DYSF: variants seen among roughly 807,000 people sequenced by gnomAD.
DYSF encodes dystrophy-associated fer-1-like 1.
In DYSF, 212 loss-of-function variants were observed where a neutral mutation model predicts 274.9. The ratio of observed to expected loss-of-function variants is 0.77; its 90% CI spans 0.69 to 0.86. The LOEUF (loss-of-function observed/expected upper bound fraction) is 0.86. DYSF is among the 40% of genes least tolerant of loss of function. DYSF has a pLI of 0.00. For synonymous variants in DYSF, 1,091 were observed against 1,078.7 expected (o/e 1.01, Z -0.22); for missense variants, 2,666 against 2,783.2 (o/e 0.96, Z 0.95).
At chr2:71,613,909 C>T (rs1244714107) in intron 40 of DYSF, among the ~76,000 whole-genome samples, 1 of 152,106 alleles carries the variant, frequency 6.6e-6, no homozygotes, top group Non-Finnish European at 1.5e-5. Context: ...CTATCTCGCC[C>T]CATTCCTCCA....
At chr2:71,579,714 C>T (rs922378122) in intron 30 of DYSF, among the ~76,000 whole-genome samples, 1 of 152,134 alleles carries the variant, frequency 6.6e-6, no homozygotes, top group African/African-American at 2.4e-5. Flanking sequence ...TAGCCACTAG[C>T]CGTGGGTGGC....
chr2:71,524,203 G>A (rs1017229392), intron 12 of DYSF, among the ~76,000 whole-genome samples: 1 of 152,196 alleles, frequency 6.6e-6, no homozygotes, highest in Non-Finnish European at 1.5e-5. Context: ...CCAGGAAAAT[G>A]TATTGGTCTT....
chr2:71,665,411 C>A, intron 47 of DYSF, 107 bp downstream of exon 47: 1 of 1,475,442 alleles, frequency 6.8e-7, no homozygotes, highest in Non-Finnish European at 9.4e-7. Flanking sequence ...TAACCCACAG[C>A]AGCAGGCTGT....
Position 71,615,663 on chromosome 2 carries a change from C to T in DYSF, c.4464+2253C>T, listed in dbSNP as rs961153489. 1.3e-5 allele frequency among the ~76,000 whole-genome samples: 2 copies of T among 152,210 alleles called. No homozygotes were observed. The highest frequency in any genetic ancestry group is 6.5e-5 in the Admixed American group (1 of 15,284). On this transcript the variant is annotated intron_variant, in intron 40 of 55. Transcript: ENST00000410020. This position sits in a 1 kb window ranked among gnomAD's most constrained non-coding sequence, Gnocchi z 4.9. ...TGTCCCTGGCACTCTGAAGGACAGGCGCTCCAAGGCCAACCCAGGAGGCAG... is the reference window on the plus strand; with the variant it reads ...TGTCCCTGGCACTCTGAAGGACAGGTGCTCCAAGGCCAACCCAGGAGGCAG...
intron 32 of DYSF, among the ~76,000 whole-genome samples, chr2:71,597,426 C>T (rs559517897): frequency 4.6e-5 from 7 of 152,220 alleles, no homozygotes; most frequent in Non-Finnish European, 1.0e-4. Flanking sequence ...TATATGCACT[C>T]AGACCCTCTC....
chr2:71,569,694 C>T, intron 26 of DYSF, 126 bp from the exon 27 acceptor site: 1 of 788,454 alleles, frequency 1.3e-6, no homozygotes, highest in Non-Finnish European at 2.2e-6. Flanking sequence ...CCCTCCCCAC[C>T]CCCCATGTCT....
In DYSF at chr2:71,589,595, C is replaced by T. The variant is rs367845844; in HGVS notation, c.3405C>T (p.Gly1135=). 53 of 1,613,840 alleles carry T rather than the reference C, an allele frequency of 3.3e-5. No individual in the cohort carries two copies. The highest frequency in any genetic ancestry group is 4.2e-5 in the Non-Finnish European group (50 of 1,179,934). Residue 1135 remains glycine, a splice_region_variant and synonymous_variant, in exon 31 of 56, where the codon GGC becomes GGT. Coordinates refer to ENST00000410020, the MANE Select transcript of DYSF (RefSeq NM_001130987.2). The part of the protein sequence containing the change: ...AAVFALEGAL[G]GVMDDKSEDS... ...CATAACCAGCTTCGTGTCTCCAGGG[C>T]GGCGTGATGGATGACAAGAGTGAAG...
chr2:71,518,020 C>T (rs1388405426), intron 10 of DYSF, among the ~76,000 whole-genome samples: 1 of 152,098 alleles, frequency 6.6e-6, no homozygotes, highest in Non-Finnish European at 1.5e-5. Context: ...CAGTGAGACC[C>T]AGCGCTCTCT....
At chr2:71,553,741 C>G (rs1240166954) in intron 20 of DYSF, 66 bp from the exon 21 acceptor site, 5 of 1,048,186 alleles carry the variant, frequency 4.8e-6, no homozygotes, top group Non-Finnish European at 5.7e-6. Flanking sequence ...GGCTGGCACT[C>G]TTAGCACCCC....
In DYSF at chr2:71,458,064, T is replaced by G. The variant is rs139503591; in HGVS notation, c.88+3978T>G. On this transcript the variant is annotated intron_variant, in intron 1 of 54. Coordinates refer to the DYSF transcript ENST00000258104. Reference sequence around the variant, plus strand: ...CATCTTGAACTCGGGATCCCAGGTCTGCCACTTTTCAAGCTATGTGGCTTT... The same window carrying G: ...CATCTTGAACTCGGGATCCCAGGTCGGCCACTTTTCAAGCTATGTGGCTTT... Among the ~76,000 whole-genome samples the G allele has an allele frequency of 3.2e-3, 488 of 152,330 alleles. 3 individuals carry two copies. Among genetic ancestry groups the G allele is most frequent in the African/African-American group, 9.7e-3 (405 of 41,578 alleles).
intron 1 of DYSF, among the ~76,000 whole-genome samples, chr2:71,478,209 A>G (rs1049887985): frequency 6.6e-6 from 1 of 150,506 alleles, no homozygotes; most frequent in Non-Finnish European, 1.5e-5. Context: ...GGCATCCTCA[A>G]TAATTTTTTT....
chr2:71,648,203 A>G (rs1264491145), intron 42 of DYSF, among the ~76,000 whole-genome samples: 1 of 152,226 alleles, frequency 6.6e-6, no homozygotes, highest in Non-Finnish European at 1.5e-5. Context: ...GATGAGATGA[A>G]ATGCTTTGCT....
intron 12 of DYSF, among the ~76,000 whole-genome samples, chr2:71,524,451 C>T (rs888613521): frequency 1.1e-4 from 17 of 152,146 alleles, no homozygotes; most frequent in African/African-American, 4.1e-4. Context: ...CTGATATGAG[C>T]TGAGGAGAAT....
intron 17 of DYSF, among the ~76,000 whole-genome samples, chr2:71,545,523 T>C (rs1013182710): frequency 2.6e-5 from 4 of 152,162 alleles, no homozygotes; most frequent in African/African-American, 9.7e-5. Context: ...TAAGGAGGGC[T>C]GTCTCCTGCA....
chr2:71,523,602 C>T (rs1330510181), intron 12 of DYSF, among the ~76,000 whole-genome samples: 5 of 147,676 alleles, frequency 3.4e-5, no homozygotes. Context: ...GCTGGAGTGC[C>T]ATGGTGCAAT....
chr2:71,618,254 G>A (rs111207180), intron 40 of DYSF, among the ~76,000 whole-genome samples: 21,938 of 74,064 alleles, frequency 0.3, 2,418 homozygotes, highest in Non-Finnish European at 0.36. Flanking sequence ...TAGAGGTGGC[G>A]TGTGTGGTAG....
intron 30 of DYSF, 89 bp downstream of exon 30, chr2:71,574,460 C>T (rs2092633154): frequency 1.3e-6 from 2 of 1,503,306 alleles, no homozygotes; most frequent in Non-Finnish European, 1.8e-6. Flanking sequence ...GGCACAGGGA[C>T]CCCAGGTTAG....
chr2:71,589,206 C>T (rs2093171842), intron 30 of DYSF, among the ~76,000 whole-genome samples: 1 of 152,128 alleles, frequency 6.6e-6, no homozygotes, highest in South Asian at 2.1e-4. Flanking sequence ...GATGGGGACC[C>T]AGAGATGCTA....
chr2:71,641,646 T>C (rs533643739), intron 41 of DYSF, among the ~76,000 whole-genome samples: 1 of 150,914 alleles, frequency 6.6e-6, no homozygotes, highest in African/African-American at 2.4e-5. Context: ...TAAGATAAAA[T>C]TTTTTTTTTG....
Sources: gnomAD v4.1 joint callset for allele counts (sites outside exome capture counted in the v4.1 genomes callset) on GRCh38, gnomAD v4.1.1 for gene constraint, Gnocchi (gnomAD v3.1) non-coding constraint, MANE v1.5 for transcripts, NCBI Gene and HGNC (gene_info 2026-07-23, HGNC 2026-07-21) for gene names.